DEFB126: variants seen among roughly 807,000 people sequenced by gnomAD.
DEFB126 encodes the protein defensin beta 126.
Under a neutral mutation model 2.5 loss-of-function variants are expected in DEFB126, and 2 were observed. The ratio of observed to expected loss-of-function variants is 0.79; its 90% CI spans 0.32 to 2.49. The LOEUF (loss-of-function observed/expected upper bound fraction) is 2.49. Ranked by LOEUF, DEFB126 falls within the 30% of genes most tolerant of loss-of-function variation. The probability of loss-of-function intolerance (pLI) is 0.11; values close to 1 mark genes in which losing one functional copy is unlikely to be tolerated. For synonymous variants in DEFB126, 51 were observed against 45.4 expected, an observed-to-expected ratio of 1.12 and a Z score of -0.50; for missense variants, 136 against 135.4, an observed-to-expected ratio of 1.00 and a Z score of -0.02.
At chr20:143,944 T>C (rs1453493545) in intron 1 of DEFB126, among the ~76,000 whole-genome samples, 1 of 152,140 alleles carries the variant, frequency 6.6e-6, no homozygotes, top group Non-Finnish European at 1.5e-5. Flanking sequence ...CAATCCCACC[T>C]TTTTACATAA....
In DEFB126 at chr20:145,446, C is replaced by T. The variant is rs34651560; in HGVS notation, c.90C>T (p.Asp30=). ...GGTATGTGAAAAAGTGTCTAAACGA[C>T]GTTGGAATTTGCAAGAAGAAGTGCA... ...GNWYVKKCLN[D]VGICKKKCKP... The change falls in exon 2 of 2, where the codon GAC becomes GAT. Residue 30 remains aspartate, a synonymous_variant. Transcript: ENST00000382398. 67 of 1,613,814 alleles carry T rather than the reference C, an allele frequency of 4.2e-5. No homozygotes were observed. In the African/African-American group the frequency reaches 6.7e-4, roughly 16 times the overall value.
chr20:144,608 G>A (rs560922994), intron 1 of DEFB126, among the ~76,000 whole-genome samples: 1 of 152,200 alleles, frequency 6.6e-6, no homozygotes, highest in South Asian at 2.1e-4. Context: ...AATGAGTTAA[G>A]CAAGGTAAGA....
At chr20:142,835 G>T (rs759847631) in intron 1 of DEFB126, 149 bp downstream of exon 1, 7 of 830,102 alleles carry the variant, frequency 8.4e-6, no homozygotes, top group Non-Finnish European at 1.4e-5. Context: ...GACCACCTCT[G>T]TTCTAAGAAA....
intron 1 of DEFB126, among the ~76,000 whole-genome samples, chr20:143,661 A>G (rs6038528): frequency 6.6e-6 from 1 of 151,948 alleles, no homozygotes; most frequent in Non-Finnish European, 1.5e-5. Context: ...ATTGCTTGGT[A>G]CAAGGGTATT....
chr20:142,783 C>A, intron 1 of DEFB126, 97 bp downstream of exon 1: 2 of 1,295,794 alleles, frequency 1.5e-6, no homozygotes, highest in Non-Finnish European at 2.2e-6. Context: ...TGGGGTCTGG[C>A]TTCTCACTGG....
Position 142,678 on chromosome 20 carries a change from T to G in DEFB126, c.50T>G (p.Leu17Trp). The G allele has an allele frequency of 6.2e-7, 1 of 1,613,764 alleles. No homozygotes were observed. Among genetic ancestry groups the G allele is most frequent in the Non-Finnish European group, 8.5e-7 (1 of 1,179,688 alleles). ...GCAGTTTTTATGCTCCTGGCCCAAT[T>G]GGTCTCAGGTAAACAGAATCTTGGG... is the stretch of plus-strand genomic sequence containing the variant. ...TLAVFMLLAQ[L>W]VSGNWYVKKC... The change falls in exon 1 of 2, where the codon TTG becomes TGG. Residue 17 changes from leucine (L) to tryptophan (W), a missense_variant. By Grantham distance (61) the Leu-to-Trp change is moderately conservative (BLOSUM62 -2). Transcript: ENST00000382398.
Sources: allele counts gnomAD v4.1 joint callset (sites outside exome capture counted in the v4.1 genomes callset), GRCh38; gene constraint gnomAD v4.1.1; transcripts MANE v1.5; gene names NCBI Gene and HGNC (gene_info 2026-07-23, HGNC 2026-07-21).